The following ZAN variants were observed in gnomAD, a reference collection of about 807,000 sequenced individuals.
ZAN encodes zonadhesin.
In ZAN, 260 loss-of-function variants were observed where a neutral mutation model predicts 286.2. The observed-to-expected ratio is 0.91, with a 90% CI of 0.82 to 1.01. The LOEUF (loss-of-function observed/expected upper bound fraction) is 1.01. ZAN is among the 50% of genes least tolerant of loss of function. ZAN has a pLI of 0.00. For missense variants in ZAN, 3,410 were observed against 3,639.2 expected (o/e 0.94, Z 1.62); for synonymous variants, 1,368 against 1,417.5 (o/e 0.97, Z 0.79).
chr7:100,737,223 A>G (rs1407407407), intron 5 of ZAN, 39 bp from the exon 6 acceptor site: 1 of 1,427,138 alleles, frequency 7.0e-7, no homozygotes, highest in African/African-American at 1.5e-5. Flanking sequence ...GGCCTGGCTG[A>G]GGGGCTCATG....
intron 14 of ZAN, 138 bp downstream of exon 14, chr7:100,753,367 G>A (rs1181735999): frequency 1.9e-6 from 2 of 1,044,574 alleles, no homozygotes; most frequent in Non-Finnish European, 2.6e-6. Context: ...GAGAGCTGAA[G>A]TAGTCCATGG....
In ZAN at chr7:100,736,514, C is replaced by T. The variant is rs374893086; in HGVS notation, c.138C>T (p.Asp46=). The change falls in exon 4 of 48, where the codon GAC becomes GAT. Residue 46 remains aspartate, a synonymous_variant. Coordinates refer to ENST00000613979, the MANE Select transcript of ZAN (RefSeq NM_003386.3). ...YVLTQCDFED[D]AKPLCDWSQV... The stretch of plus-strand genomic sequence containing the variant: ...TCACCCAGTGTGATTTTGAGGATGA[C>T]GCCAAACCCCTCTGTGACTGGTCCC... 111 of 1,524,182 alleles carry T rather than the reference C, an allele frequency of 7.3e-5. 21 individuals carry two copies. Among genetic ancestry groups the T allele is most frequent in the Middle Eastern group, 1.7e-4 (1 of 5,950 alleles). The allele number at this position is 1,524,182 out of a possible 1,614,324, so 94.4% of individuals were successfully genotyped here. A position where few individuals can be genotyped will look rare whatever the true frequency, so the allele number is the denominator to read the frequency against.
chr7:100,748,576 G>A (rs1808397666), intron 11 of ZAN, 106 bp downstream of exon 11: 3 of 1,456,432 alleles, frequency 2.1e-6, no homozygotes, highest in Non-Finnish European at 2.8e-6. Flanking sequence ...GCAGTGGGAA[G>A]ATCAGTCCAC....
intron 46 of ZAN, 39 bp downstream of exon 46, chr7:100,797,504 G>A (rs371347907): frequency 5.6e-6 from 9 of 1,613,634 alleles, no homozygotes; most frequent in African/African-American, 5.3e-5. Context: ...CGGGTGGGGT[G>A]TGCAAACCGG....
At chr7:100,756,725 C>T (rs1234547487) in intron 15 of ZAN, among the ~76,000 whole-genome samples, 4 of 151,352 alleles carry the variant, frequency 2.6e-5, no homozygotes, top group African/African-American at 9.7e-5. Flanking sequence ...AAACTATTCA[C>T]TCACAGTTCT....
At position 100,750,424 on chromosome 7, in the gene ZAN, C is replaced by T. The variant is rs112205120; in HGVS notation, c.1250-201C>T. On this transcript the variant is annotated intron_variant, in intron 11 of 47. Transcript: ENST00000613979. ...TGCTGGGATTACAGGCATGAGCCACCGTGCCTGGCCGCTTTTCCCTTTCTT... is the reference window on the plus strand; with the variant it reads ...TGCTGGGATTACAGGCATGAGCCACTGTGCCTGGCCGCTTTTCCCTTTCTT... 7.2e-3 allele frequency among the ~76,000 whole-genome samples: 1,090 copies of T among 152,270 alleles called. 14 individuals carry two copies. Among genetic ancestry groups the T allele is most frequent in the African/African-American group, 0.025 (1,028 of 41,564 alleles).
chr7:100,787,620 C>T (rs1043029608), intron 37 of ZAN, among the ~76,000 whole-genome samples: 6 of 152,040 alleles, frequency 3.9e-5, no homozygotes, highest in African/African-American at 1.2e-4. Context: ...AGTGCAGTGG[C>T]GCGATCTCGG....
chr7:100,789,088 T>C (rs73411168), intron 38 of ZAN, 130 bp from the exon 39 acceptor site: 30,671 of 1,293,856 alleles, frequency 0.024, 884 homozygotes, highest in South Asian at 0.11. Context: ...GCAAAGCCCA[T>C]TGGGGTATCT....
intron 28 of ZAN, among the ~76,000 whole-genome samples, chr7:100,770,503 C>A (rs868764936): frequency 0.016 from 1,515 of 93,564 alleles, 1 homozygote; most frequent in Middle Eastern, 0.056. Context: ...GACTCTGTCT[C>A]AAAAAAAAAA....
At position 100,797,415 on chromosome 7, in the gene ZAN, C is replaced by A. The variant is rs574375825; in HGVS notation, c.8316C>A (p.Val2772=). The A allele has an allele frequency of 6.1e-5, 99 of 1,613,724 alleles. No homozygotes were observed. In the East Asian group the frequency reaches 1.9e-3, roughly 31 times the overall value. The change falls in exon 46 of 48, where the codon GTC becomes GTA. Residue 2772 remains valine, a synonymous_variant. Transcript: ENST00000613979. ...TGGGACTGCTGGTGCCTGTGGTGGT[C>A]GTACTACTGGCCGTGACCAGAGAGT... ...VLLGLLVPVV[V]VLLAVTRECI...
intron 12 of ZAN, 101 bp from the exon 13 acceptor site, chr7:100,751,081 G>T: frequency 1.5e-6 from 2 of 1,344,654 alleles, no homozygotes; most frequent in South Asian, 1.5e-5. Flanking sequence ...GGAACAAGGC[G>T]ACATTTTGGC....
intron 42 of ZAN, among the ~76,000 whole-genome samples, chr7:100,792,723 C>G (rs894422986): frequency 6.6e-6 from 1 of 152,096 alleles, no homozygotes; most frequent in Non-Finnish European, 1.5e-5. Context: ...TTCTCTGCCC[C>G]TGCCTGGGAG....
chr7:100,744,746 T>C (rs969861560), intron 7 of ZAN, among the ~76,000 whole-genome samples: 1 of 151,450 alleles, frequency 6.6e-6, no homozygotes, highest in Admixed American at 6.6e-5. Flanking sequence ...TAAATGCTGG[T>C]TGGCTTTTTA....
Position 100,775,796 on chromosome 7 carries a change from T to C in ZAN, c.6155T>C (p.Leu2052Pro). The C allele has an allele frequency of 6.2e-7, 1 of 1,613,792 alleles. No individual in the cohort carries two copies. The highest frequency in any genetic ancestry group is 8.5e-7 in the Non-Finnish European group (1 of 1,179,874). Residue 2052 changes from leucine to proline, a missense_variant, in exon 33 of 48, where the codon CTC (leucine) becomes CCC (proline). Transcript: ENST00000613979. ...CAAGTCAAGTTTGACGGGAATCATC[T>C]CTTAGAGATTGAAATCCCCACAACC... ...GVQVKFDGNH[L>P]LEIEIPTTYY...
intron 6 of ZAN, among the ~76,000 whole-genome samples, chr7:100,738,170 T>A (rs1807445233): frequency 7.1e-6 from 1 of 139,942 alleles, no homozygotes; most frequent in Non-Finnish European, 1.6e-5. Context: ...TTGGCAAGGC[T>A]GTTCTAGAAC....
At chr7:100,768,755 G>T in intron 27 of ZAN, 34 bp downstream of exon 27, 1 of 1,545,490 alleles carries the variant, frequency 6.5e-7, no homozygotes, top group Non-Finnish European at 8.8e-7. Context: ...AGGCAGGAGG[G>T]GCTGGGCCTG....
Position 100,779,666 on chromosome 7 carries a change from C to G in ZAN, c.6538C>G (p.Leu2180Val). 6.4e-7 allele frequency: 1 copy of G among 1,570,476 alleles called. No individual in the cohort carries two copies. The highest frequency in any genetic ancestry group is 8.6e-7 in the Non-Finnish European group (1 of 1,158,034). ...TGAGTTCGGAGGTCTCTACCAGGCC[C>G]TCTGCCAGGCTCTGCAAGCCTTCGG... Reference protein sequence around the residue: ...LCEFGGLYQALCQALQAFGAT... With the variant: ...LCEFGGLYQAVCQALQAFGAT... The change falls in exon 35 of 48, where the codon CTC (leucine) becomes GTC (valine). Residue 2180 changes from leucine to valine, a missense_variant. Leu to Val is a conservative substitution (Grantham distance 32, BLOSUM62 1). Coordinates refer to ENST00000613979, the MANE Select transcript of ZAN (RefSeq NM_003386.3).
At chr7:100,760,828 G>A (rs1211108819) in intron 19 of ZAN, among the ~76,000 whole-genome samples, 2 of 152,192 alleles carry the variant, frequency 1.3e-5, no homozygotes, top group African/African-American at 4.8e-5. Context: ...CTGAAGGGCA[G>A]TCACCTGGTC....
Position 100,789,210 on chromosome 7 carries a change from C to G in ZAN, c.7228-8C>G. On this transcript the variant is annotated splice_region_variant and splice_polypyrimidine_tract_variant and intron_variant, in intron 38 of 47. Transcript: ENST00000613979. The stretch of plus-strand genomic sequence containing the variant: ...GCCCTGTCTGTGGCTCCTGTCTTCC[C>G]TCTTTAGGTCAACAACCAGAAGATG... The G allele has an allele frequency of 6.2e-7, 1 of 1,612,316 alleles. No individual in the cohort carries two copies. The highest frequency in any genetic ancestry group is 8.5e-7 in the Non-Finnish European group (1 of 1,179,206).
Sources: allele counts gnomAD v4.1 joint callset (sites outside exome capture counted in the v4.1 genomes callset), GRCh38; gene constraint gnomAD v4.1.1; transcripts MANE v1.5; gene names NCBI Gene and HGNC (gene_info 2026-07-23, HGNC 2026-07-21).